Variants in SNAP91 observed in about 807,000 individuals in gnomAD.
SNAP91 encodes the protein clathrin coat assembly protein AP180.
In SNAP91, 27 loss-of-function variants were observed where a neutral mutation model predicts 100.3. The observed-to-expected ratio is 0.27, with a 90% confidence interval of 0.20 to 0.37. The LOEUF is 0.37. SNAP91 is among the 10% of genes least tolerant of loss of function. SNAP91 has a pLI of 1.00. For synonymous variants in SNAP91, 404 were observed against 398.6 expected, an observed-to-expected ratio of 1.01 and a Z score of -0.16; for missense variants, 986 against 1,123.7, an observed-to-expected ratio of 0.88 and a Z score of 1.75.
rs577021701 is a variant in SNAP91, at chr6:83,706,318, G to A, written c.130+1480C>T. 3.3e-5 allele frequency among the ~76,000 whole-genome samples: 5 copies of A among 152,274 alleles called. No individual in the cohort carries two copies. In the East Asian group the frequency reaches 9.6e-4, roughly 29 times the overall value. On this transcript the variant is annotated intron_variant, in intron 2 of 29. Coordinates refer to ENST00000369694, the MANE Select transcript of SNAP91 (RefSeq NM_001242792.2). ...TCTTCCAGAGTTGGGGAAACTGATG[G>A]GAAAATGGCTAAATGATTCAGCATG...
chr6:83,575,577 C>A, intron 25 of SNAP91: 1 of 216,374 alleles, frequency 4.6e-6, no homozygotes. Context: ...CGTAAGACAC[C>A]ATCCACTGAA....
rs761487847 is a variant in SNAP91 at position 83,560,146 on chromosome 6, C to G, written c.2589G>C (p.Met863Ile). 20 of 1,613,806 alleles carry G rather than the reference C, an allele frequency of 1.2e-5. No homozygotes were observed. The highest frequency in any genetic ancestry group is 4.0e-5 in the African/African-American group (3 of 74,924). ...PQQPVMFAQP[M>I]MRPPFGAAAV... ...CGGCAGCTCCAAAGGGGGGCCTCAT[C>G]ATGGGCTGTGCAAACATGACCGGCT... The change falls in exon 28 of 30, where the codon ATG (methionine) becomes ATC (isoleucine). Residue 863 changes from methionine (M) to isoleucine (I), a missense_variant. This residue lies in a region of SNAP91 where 71 missense variants were observed against 68.5 expected (regional missense o/e 1.04). Transcript: ENST00000369694.
chr6:83,615,015 T>C (rs1178773079), intron 10 of SNAP91, among the ~76,000 whole-genome samples, 153 bp from the exon 11 acceptor site: 1 of 152,166 alleles, frequency 6.6e-6, no homozygotes, highest in African/African-American at 2.4e-5. Flanking sequence ...AAAATGATTT[T>C]AAAGGAAAAA....
chr6:83,575,334 G>A, intron 25 of SNAP91: 2 of 544,368 alleles, frequency 3.7e-6, no homozygotes. Context: ...ATCATTTAGA[G>A]TTTGGACCTC....
intron 4 of SNAP91, among the ~76,000 whole-genome samples, chr6:83,662,104 G>A (rs1049520835): frequency 2.6e-5 from 4 of 151,820 alleles, no homozygotes; most frequent in Admixed American, 2.0e-4. Context: ...AAACAACTGT[G>A]GGTCTAGCAC....
chr6:83,644,765 G>A (rs2097850597), intron 7 of SNAP91, among the ~76,000 whole-genome samples: 1 of 152,148 alleles, frequency 6.6e-6, no homozygotes, highest in African/African-American at 2.4e-5. Context: ...CATTTGTGAA[G>A]ATTTATAGCA....
chr6:83,618,461 TTAA>T (rs1375017094), intron 9 of SNAP91, among the ~76,000 whole-genome samples: 4 of 151,790 alleles, frequency 2.6e-5, no homozygotes, highest in African/African-American at 9.7e-5. Flanking sequence ...GAAAATGGAC[TTAA>T]TAAATTCTAA....
Position 83,556,163 on chromosome 6 carries a change from T to A in SNAP91, c.2714A>T (p.Asp905Val). ...GATACCTTAAATTGTTTACAAGAAA[T>A]CCTTGATGTTAAGATCCGCTAATGG... The part of the protein sequence containing the change: ...KDPLADLNIK[D>V]FL The change falls in exon 29 of 30, where the codon GAT (aspartate) becomes GTT (valine). Residue 905 changes from aspartate (D) to valine (V), a missense_variant. Asp to Val is a radical substitution (Grantham distance 152). Transcript: ENST00000369694. 6.4e-7 allele frequency: 1 copy of A among 1,558,834 alleles called. No individual in the cohort carries two copies. Among genetic ancestry groups the A allele is most frequent in the East Asian group, 2.4e-5 (1 of 42,134 alleles).
chr6:83,625,152 GTTTC>G (rs2096882817), intron 8 of SNAP91, among the ~76,000 whole-genome samples: 1 of 152,064 alleles, frequency 6.6e-6, no homozygotes, highest in Admixed American at 6.6e-5. Context: ...TTGGTTTTCT[GTTTC>G]TGCATTAGTT....
rs114629944 is a variant in SNAP91, at chr6:83,652,876, G to A, written c.658+3878C>T. Among the ~76,000 whole-genome samples, 787 of 152,176 alleles carry A rather than the reference G, an allele frequency of 5.2e-3. 6 individuals carry two copies. Among genetic ancestry groups the A allele is most frequent in the African/African-American group, 0.017 (708 of 41,530 alleles). On this transcript the variant is annotated intron_variant, in intron 7 of 29. Coordinates refer to ENST00000369694, the MANE Select transcript of SNAP91 (RefSeq NM_001242792.2). The stretch of plus-strand genomic sequence containing the variant: ...TATTTCACAGGGTAAAGAATTCTAG[G>A]TTAAGTGGGTTGTCTCAGCACTAAA...
chr6:83,656,795 T>C lies in SNAP91; in HGVS notation c.617A>G (p.Lys206Arg). The C allele has an allele frequency of 6.2e-7, 1 of 1,606,776 alleles. No individual in the cohort carries two copies. The highest frequency in any genetic ancestry group is 8.5e-7 in the Non-Finnish European group (1 of 1,176,046). The change falls in exon 7 of 30, where the codon AAA becomes AGA. Residue 206 changes from lysine to arginine, a missense_variant. Lys to Arg is a conservative substitution (Grantham distance 26). This residue lies in a region of SNAP91 where 330 missense variants were observed against 447.5 expected (regional missense o/e 0.74). Transcript: ENST00000369694. ...ACCATCATTGTAGCAAGCAAAAAGT[T>C]TGATAAGATCTTTGAAAAGAAGCAT... ...AFMLLFKDLI[K>R]LFACYNDGVI...
At chr6:83,650,131 C>G (rs1404382729) in intron 7 of SNAP91, among the ~76,000 whole-genome samples, 1 of 152,026 alleles carries the variant, frequency 6.6e-6, no homozygotes, top group Non-Finnish European at 1.5e-5. Flanking sequence ...GTCAAGCCTA[C>G]AGCAAAAGGT....
chr6:83,569,745 G>GTAGTGAATAAGTCTCATGAGATC (rs1449570368), intron 26 of SNAP91, among the ~76,000 whole-genome samples: 3 of 152,098 alleles, frequency 2.0e-5, no homozygotes, highest in Non-Finnish European at 4.4e-5. Flanking sequence ...TGTTCCTGTG[G>GTAGTGAATAAGTCTCATGAGATC]TAGTGAATAA....
intron 26 of SNAP91, among the ~76,000 whole-genome samples, chr6:83,570,577 G>A (rs548142347): frequency 4.0e-5 from 6 of 151,546 alleles, no homozygotes; most frequent in Admixed American, 4.0e-4. Flanking sequence ...GTGGTTTCAT[G>A]GGCTGGGCCC....
rs533308879 is a variant in SNAP91, at chr6:83,607,064, A to C, written c.1022+635T>G. ...TCATAATCAGAGTCAAAGATACTAC[A>C]AAATGATATTAGAATCCTCTTAAGG... On this transcript the variant is annotated intron_variant, in intron 13 of 29. Coordinates refer to ENST00000369694, the MANE Select transcript of SNAP91 (RefSeq NM_001242792.2). 4.6e-5 allele frequency among the ~76,000 whole-genome samples: 7 copies of C among 152,332 alleles called. No individual in the cohort carries two copies. In the South Asian group the frequency reaches 1.2e-3, roughly 27 times the overall value.
chr6:83,567,385 G>A (rs373135592), intron 26 of SNAP91, among the ~76,000 whole-genome samples: 2 of 152,072 alleles, frequency 1.3e-5, no homozygotes, highest in African/African-American at 2.4e-5. Flanking sequence ...ATGTTAGACC[G>A]AAAACCATAA....
Position 83,576,000 on chromosome 6 carries a change from T to C in SNAP91, c.2330+23A>G, listed in dbSNP as rs942729162. 8 of 1,339,156 alleles carry C rather than the reference T, an allele frequency of 6.0e-6. No homozygotes were observed. In the South Asian group the frequency reaches 6.8e-5, roughly 11 times the overall value. The allele number at this position is 1,339,156 out of a possible 1,614,324, so 83.0% of individuals were successfully genotyped here. A position where few individuals can be genotyped will look rare whatever the true frequency, so the allele number is the denominator to read the frequency against. On this transcript the variant is annotated intron_variant, in intron 25 of 29. Transcript: ENST00000369694. ...ATACAAATATACCATCAAAAGGAAA[T>C]CACATAATTTCCAAACACTTACTTT...
At chr6:83,638,041 G>T (rs116774595) in intron 8 of SNAP91, among the ~76,000 whole-genome samples, 1,547 of 152,242 alleles carry the variant, frequency 0.01, 21 homozygotes, top group African/African-American at 0.035. Context: ...TCTTGGGAGG[G>T]GCCAGCAGGT....
rs754133598 is a variant in SNAP91 at position 83,553,226 on chromosome 6, T to G, written c.*1070A>C. 6 of 152,580 alleles carry G rather than the reference T, an allele frequency of 3.9e-5. No homozygotes were observed. Among genetic ancestry groups the G allele is most frequent in the Non-Finnish European group, 8.8e-5 (6 of 68,032 alleles). 9.5% of individuals were successfully genotyped at this position (152,580 alleles called of 1,614,324 possible). A position where few individuals can be genotyped will look rare whatever the true frequency, so the allele number is the denominator to read the frequency against. Reference sequence around the variant, plus strand: ...AGACAGTATGACAACAAATTAAAACTTAAAGAATACAGTATGTACAGTAAA... The same window carrying G: ...AGACAGTATGACAACAAATTAAAACGTAAAGAATACAGTATGTACAGTAAA... On this transcript the variant is annotated 3_prime_UTR_variant, in exon 30 of 30. Transcript: ENST00000369694.
Sources: gnomAD v4.1 joint callset for allele counts (sites outside exome capture counted in the v4.1 genomes callset) on GRCh38, gnomAD v4.1.1 for gene constraint, gnomAD v4.1.1 regional missense constraint, MANE v1.5 for transcripts, NCBI Gene and HGNC (gene_info 2026-07-23, HGNC 2026-07-21) for gene names.